COL22A1: variants seen among roughly 807,000 people sequenced by gnomAD.
COL22A1 encodes the protein collagen alpha-1(XXII) chain.
A neutral mutation model predicts 248.9 loss-of-function variants in COL22A1; 221 were observed. The ratio of observed to expected loss-of-function variants is 0.89; its 90% CI spans 0.80 to 0.99. COL22A1 has a LOEUF of 0.99. COL22A1 is among the 50% of genes least tolerant of loss of function. The pLI, the probability that COL22A1 is intolerant of heterozygous loss-of-function variation, is 0.00. For missense variants in COL22A1, 2,240 were observed against 2,179.0 expected, an observed-to-expected ratio of 1.03 and a Z score of -0.56; for synonymous variants, 891 against 793.4, an observed-to-expected ratio of 1.12 and a Z score of -2.07.
chr8:138,701,526 C>T (rs1827971959), intron 31 of COL22A1, among the ~76,000 whole-genome samples: 1 of 152,204 alleles, frequency 6.6e-6, no homozygotes, highest in African/African-American at 2.4e-5. Context: ...ATATTTTTAA[C>T]TATTTCCTAT....
chr8:138,788,878 G>A (rs1815783143), intron 12 of COL22A1, among the ~76,000 whole-genome samples: 1 of 152,178 alleles, frequency 6.6e-6, no homozygotes, highest in Non-Finnish European at 1.5e-5. Flanking sequence ...TATTATTATA[G>A]TTGTTAATTT....
intron 4 of COL22A1, among the ~76,000 whole-genome samples, chr8:138,841,250 CT>C (rs1205142002): frequency 6.6e-6 from 1 of 152,222 alleles, no homozygotes; most frequent in Admixed American, 6.5e-5. Context: ...GTCCTCTACT[CT>C]TAAGACACAA....
intron 59 of COL22A1, among the ~76,000 whole-genome samples, chr8:138,602,708 T>C (rs776389492): frequency 3.9e-5 from 6 of 152,210 alleles, no homozygotes; most frequent in Non-Finnish European, 8.8e-5. Flanking sequence ...CAGTCCCCAC[T>C]CCCTTCTGGA....
intron 1 of COL22A1, among the ~76,000 whole-genome samples, chr8:138,893,416 A>G (rs1825198581): frequency 6.6e-6 from 1 of 152,214 alleles, no homozygotes; most frequent in Non-Finnish European, 1.5e-5. Context: ...CTTATCTCAC[A>G]GGGTTGTTGG....
At chr8:138,611,974 C>T (rs1818900105) in intron 56 of COL22A1, among the ~76,000 whole-genome samples, 1 of 152,218 alleles carries the variant, frequency 6.6e-6, no homozygotes, top group Admixed American at 6.5e-5. Flanking sequence ...AATATTCATT[C>T]ACTTGTTTAT....
intron 42 of COL22A1, among the ~76,000 whole-genome samples, chr8:138,663,308 C>A (rs1180759247): frequency 6.6e-6 from 1 of 152,198 alleles, no homozygotes; most frequent in Non-Finnish European, 1.5e-5. Flanking sequence ...CCGGGTCTTG[C>A]TCTGCCTATG....
chr8:138,721,879 C>T (rs1314675561), intron 26 of COL22A1, among the ~76,000 whole-genome samples, 157 bp downstream of exon 26: 2 of 152,228 alleles, frequency 1.3e-5, no homozygotes, highest in African/African-American at 2.4e-5. Flanking sequence ...AATAAGGAGC[C>T]TTCCCCCATC....
intron 45 of COL22A1, among the ~76,000 whole-genome samples, chr8:138,651,989 G>A (rs972421340): frequency 1.3e-5 from 2 of 152,154 alleles, no homozygotes; most frequent in Admixed American, 6.6e-5. Flanking sequence ...CAGAGCTGTC[G>A]GAGACCCAGA....
intron 3 of COL22A1, among the ~76,000 whole-genome samples, chr8:138,867,050 T>C (rs947815194): frequency 2.0e-5 from 3 of 152,172 alleles, no homozygotes; most frequent in Non-Finnish European, 4.4e-5. Flanking sequence ...TATTATCCGA[T>C]GTTGGCAAAC....
intron 36 of COL22A1, among the ~76,000 whole-genome samples, 195 bp from the exon 37 acceptor site, chr8:138,689,165 G>C (rs535440256): frequency 1.2e-3 from 181 of 151,612 alleles, no homozygotes; most frequent in Non-Finnish European, 2.1e-3. Flanking sequence ...TCCCGGGGGG[G>C]GGGCTGGCCT....
intron 16 of COL22A1, among the ~76,000 whole-genome samples, chr8:138,762,986 C>G (rs1393791863): frequency 6.6e-6 from 1 of 152,160 alleles, no homozygotes; most frequent in Non-Finnish European, 1.5e-5. Context: ...GAGTGTCTTA[C>G]TAGCTGTGGG....
rs1319113987 is a variant in COL22A1, at chr8:138,644,904, A to T, written c.3501+1725T>A. Among the ~76,000 whole-genome samples the T allele has an allele frequency of 2.6e-5, 4 of 152,180 alleles. No homozygotes were observed. In the East Asian group the frequency reaches 7.7e-4, roughly 29 times the overall value. ...CAGCCTGTGGGACGGACGGCCCGCAAGTGCAATCCTATGTGAGAAATAAAG... is the reference window on the plus strand; with the variant it reads ...CAGCCTGTGGGACGGACGGCCCGCATGTGCAATCCTATGTGAGAAATAAAG... On this transcript the variant is annotated intron_variant, in intron 47 of 64. Transcript: ENST00000303045.
chr8:138,752,774 T>C (rs1402795418), intron 21 of COL22A1, among the ~76,000 whole-genome samples: 1 of 152,196 alleles, frequency 6.6e-6, no homozygotes, highest in Non-Finnish European at 1.5e-5. Context: ...GAACACAAAC[T>C]CAAAATTTTC....
chr8:138,674,211 G>A (rs750064369), intron 41 of COL22A1, among the ~76,000 whole-genome samples: 1 of 152,160 alleles, frequency 6.6e-6, no homozygotes, highest in Non-Finnish European at 1.5e-5. Context: ...AGGACCAAAT[G>A]AGGAGGTAGA....
chr8:138,673,272 G>A (rs1004948309), intron 41 of COL22A1, among the ~76,000 whole-genome samples: 3 of 151,072 alleles, frequency 2.0e-5, no homozygotes, highest in East Asian at 3.9e-4. Flanking sequence ...GTACAGTGGC[G>A]GATCTCAGCT....
At chr8:138,629,160 T>G (rs1181338637) in intron 50 of COL22A1, among the ~76,000 whole-genome samples, 1 of 151,348 alleles carries the variant, frequency 6.6e-6, no homozygotes, top group Non-Finnish European at 1.5e-5. Flanking sequence ...TAGTTTTTAT[T>G]AGGGAAATCA....
chr8:138,661,035 TAC>T (rs150877436), intron 43 of COL22A1, among the ~76,000 whole-genome samples: 103,127 of 133,970 alleles, frequency 0.77, 38,582 homozygotes, highest in Non-Finnish European at 0.85. Context: ...CACACACATA[TAC>T]AGACACACAC....
intron 46 of COL22A1, 83 bp downstream of exon 46, chr8:138,649,582 G>C (rs1822507202): frequency 1.3e-6 from 2 of 1,542,982 alleles, no homozygotes; most frequent in African/African-American, 2.7e-5. Context: ...AACACCTTCA[G>C]AGGCAGATGG....
chr8:138,641,400 C>T (rs537347629), intron 47 of COL22A1, among the ~76,000 whole-genome samples: 473 of 152,196 alleles, frequency 3.1e-3, no homozygotes, highest in African/African-American at 0.01. Flanking sequence ...AAACGCTTTT[C>T]GTAGGGGACA....
Sources: allele counts gnomAD v4.1 joint callset (sites outside exome capture counted in the v4.1 genomes callset), GRCh38; gene constraint gnomAD v4.1.1; transcripts MANE v1.5; gene names NCBI Gene and HGNC (gene_info 2026-07-23, HGNC 2026-07-21).